AMBRA1: variants seen among roughly 807,000 people sequenced by gnomAD.
The protein encoded by AMBRA1 is activating molecule in BECN1-regulated autophagy protein 1.
AMBRA1 carries 47 observed loss-of-function variants against 125.4 expected under a neutral mutation model. That is an observed-to-expected ratio of 0.37 (90% CI 0.30 to 0.48). The LOEUF (loss-of-function observed/expected upper bound fraction) is 0.48, where lower values mean the gene tolerates loss of function less well. AMBRA1 is among the 20% of genes least tolerant of loss of function. The pLI, the probability that AMBRA1 is intolerant of heterozygous loss-of-function variation, is 0.99. For missense variants in AMBRA1, 1,331 were observed against 1,693.4 expected, an observed-to-expected ratio of 0.79 and a Z score of 3.76; for synonymous variants, 626 against 655.5, an observed-to-expected ratio of 0.95 and a Z score of 0.69.
intron 7 of AMBRA1, among the ~76,000 whole-genome samples, chr11:46,519,301 G>T (rs1315513182): frequency 6.6e-6 from 1 of 152,138 alleles, no homozygotes; most frequent in Non-Finnish European, 1.5e-5. Context: ...TGGGATTACA[G>T]GCATGCGCCA....
intron 1 of AMBRA1, among the ~76,000 whole-genome samples, chr11:46,550,625 G>C (rs1399331532): frequency 6.6e-6 from 1 of 152,054 alleles, no homozygotes; most frequent in Non-Finnish European, 1.5e-5. Context: ...ACATGTATTA[G>C]CTGGCTTTCT....
At chr11:46,578,723 T>C (rs1346944302) in intron 1 of AMBRA1, among the ~76,000 whole-genome samples, 6 of 148,296 alleles carry the variant, frequency 4.0e-5, no homozygotes, top group South Asian at 2.1e-4. Flanking sequence ...CTACTAAAAA[T>C]AGAAAAAATT....
intron 7 of AMBRA1, among the ~76,000 whole-genome samples, chr11:46,525,899 G>A (rs895179260): frequency 6.6e-6 from 1 of 151,864 alleles, no homozygotes; most frequent in Non-Finnish European, 1.5e-5. Context: ...GTGACAGAGC[G>A]AGACTCTGTC....
intron 1 of AMBRA1, among the ~76,000 whole-genome samples, chr11:46,574,935 G>A (rs937128627): frequency 2.6e-5 from 4 of 152,022 alleles, no homozygotes; most frequent in East Asian, 1.9e-4. Context: ...CCCTATACAC[G>A]GTTCACATTC....
rs557970545 is a variant in AMBRA1, at chr11:46,548,807, C to T, written c.-120-307G>A. On this transcript the variant is annotated intron_variant, in intron 1 of 17. Transcript: ENST00000683756. ...CAGGAGTTTGAGACAGCCTGGCCAA[C>T]ATGGTGAAACCCCGTCTCTACTAAA... is the stretch of plus-strand genomic sequence containing the variant. Among the ~76,000 whole-genome samples the T allele has an allele frequency of 2.0e-5, 3 of 152,276 alleles. No homozygotes were observed. The South Asian group carries it at 6.2e-4, about 32-fold the overall frequency.
At chr11:46,517,337 AG>A (rs1164461178) in intron 7 of AMBRA1, among the ~76,000 whole-genome samples, 1 of 151,034 alleles carries the variant, frequency 6.6e-6, no homozygotes, top group Non-Finnish European at 1.5e-5. Flanking sequence ...TAGTAAAAAC[AG>A]GGTTGCACCA....
intron 8 of AMBRA1, among the ~76,000 whole-genome samples, chr11:46,508,586 C>CA (rs992589101): frequency 6.6e-6 from 1 of 152,206 alleles, no homozygotes; most frequent in Non-Finnish European, 1.5e-5. Context: ...ATAAGGCAAA[C>CA]AGGCAGCTTA....
In AMBRA1 at chr11:46,588,837, C is replaced by T. The variant is rs2135343076; in HGVS notation, c.-121+4991G>A. ...TACTTTTCCATTCTTTAAATACAGA[C>T]TCAGAAAAGCATTCAAAGCCTTTGA... On this transcript the variant is annotated intron_variant, in intron 1 of 17. Coordinates refer to ENST00000683756, the MANE Select transcript of AMBRA1 (RefSeq NM_001387011.1). Among the ~76,000 whole-genome samples, 3 of 151,538 alleles carry T rather than the reference C, an allele frequency of 2.0e-5. No homozygotes were observed. In the Middle Eastern group the frequency reaches 0.01, roughly 515 times the overall value.
At chr11:46,560,747 G>A (rs995524988) in intron 1 of AMBRA1, among the ~76,000 whole-genome samples, 35 of 152,104 alleles carry the variant, frequency 2.3e-4, no homozygotes, top group African/African-American at 8.0e-4. Context: ...GAATCAAGAA[G>A]ACCAAGAAGG....
intron 11 of AMBRA1, among the ~76,000 whole-genome samples, chr11:46,449,930 A>G (rs552444028): frequency 1.3e-5 from 2 of 152,184 alleles, no homozygotes; most frequent in South Asian, 2.1e-4. Context: ...GTGGTGGCGC[A>G]TATCTGTAAT....
chr11:46,538,947 T>G (rs1952611747), intron 7 of AMBRA1, among the ~76,000 whole-genome samples: 1 of 152,206 alleles, frequency 6.6e-6, no homozygotes, highest in African/African-American at 2.4e-5. Context: ...AGTAGCAGCA[T>G]TTCAAATGCT....
chr11:46,402,058 C>T (rs1362594695), intron 17 of AMBRA1, among the ~76,000 whole-genome samples: 1 of 152,212 alleles, frequency 6.6e-6, no homozygotes, highest in South Asian at 2.1e-4. Context: ...GTCCCATCTC[C>T]TCTGCCACCC....
chr11:46,449,705 G>A (rs896613687), intron 11 of AMBRA1, among the ~76,000 whole-genome samples: 2 of 152,142 alleles, frequency 1.3e-5, no homozygotes, highest in Non-Finnish European at 1.5e-5. Flanking sequence ...AAAAGACCCA[G>A]AATAGCCAAC....
intron 4 of AMBRA1, 138 bp downstream of exon 4, chr11:46,546,975 G>C (rs1953050908): frequency 1.3e-6 from 1 of 756,040 alleles, no homozygotes; most frequent in East Asian, 2.8e-5. Flanking sequence ...GGAGGCTGAA[G>C]CAGAAGTATC....
chr11:46,493,066 T>C (rs1950520484), intron 11 of AMBRA1, among the ~76,000 whole-genome samples: 1 of 152,064 alleles, frequency 6.6e-6, no homozygotes, highest in Admixed American at 6.5e-5. Context: ...AATAAGTAAA[T>C]AAACAATAAA....
At chr11:46,535,069 T>C (rs1292178839) in intron 7 of AMBRA1, among the ~76,000 whole-genome samples, 1 of 152,180 alleles carries the variant, frequency 6.6e-6, no homozygotes, top group Non-Finnish European at 1.5e-5. Context: ...ACAGGCTTTG[T>C]CTCCTTTTTA....
rs764299310 is a variant in AMBRA1 at position 46,440,669 on chromosome 11, G to A, written c.2632+2819C>T. Among the ~76,000 whole-genome samples, 86 of 152,230 alleles carry A rather than the reference G, an allele frequency of 5.6e-4. 1 individual carries two copies. The highest frequency in any genetic ancestry group is 9.7e-4 in the Non-Finnish European group (66 of 68,022). The stretch of plus-strand genomic sequence containing the variant: ...GAAGCAAACTTCATTTTCAATAAGG[G>A]AAAATGTGGATTGTGGTTAATTTCC... On this transcript the variant is annotated intron_variant, in intron 12 of 17. Coordinates refer to ENST00000683756, the MANE Select transcript of AMBRA1 (RefSeq NM_001387011.1).
At chr11:46,525,838 G>C (rs1455954801) in intron 7 of AMBRA1, among the ~76,000 whole-genome samples, 2 of 152,078 alleles carry the variant, frequency 1.3e-5, no homozygotes, top group African/African-American at 2.4e-5. Context: ...CTTGAACCCA[G>C]AAGATGGAGG....
intron 9 of AMBRA1, among the ~76,000 whole-genome samples, chr11:46,499,282 C>T (rs1332344799): frequency 3.9e-5 from 6 of 152,082 alleles, no homozygotes; most frequent in Non-Finnish European, 1.5e-5. Context: ...TGTCTTCCTC[C>T]CCCAAACCCC....
Sources: gnomAD v4.1 joint callset for allele counts (sites outside exome capture counted in the v4.1 genomes callset) on GRCh38, gnomAD v4.1.1 for gene constraint, MANE v1.5 for transcripts, NCBI Gene and HGNC (gene_info 2026-07-23, HGNC 2026-07-21) for gene names.